ZNF521: variants seen among roughly 807,000 people sequenced by gnomAD.
The protein encoded by ZNF521 is LYST-interacting protein 3.
In ZNF521, 14 loss-of-function variants were observed where a neutral mutation model predicts 105.5. That is an observed-to-expected ratio of 0.13 (90% CI 0.09 to 0.21). The LOEUF (loss-of-function observed/expected upper bound fraction) is 0.21. ZNF521 is among the 10% of genes least tolerant of loss of function. The probability of loss-of-function intolerance (pLI) is 1.00; values close to 1 mark genes in which losing one functional copy is unlikely to be tolerated. For synonymous variants in ZNF521, 635 were observed against 606.0 expected, an observed-to-expected ratio of 1.05 and a Z score of -0.70; for missense variants, 1,233 against 1,629.7, an observed-to-expected ratio of 0.76 and a Z score of 4.19.
chr18:25,277,991 G>GT lies in ZNF521; in HGVS notation c.220+44016dup, dbSNP rs148179368. Among the ~76,000 whole-genome samples the GT allele has an allele frequency of 9.9e-3, 1,510 of 152,208 alleles. 25 individuals are homozygous for GT. Among genetic ancestry groups the GT allele is most frequent in the African/African-American group, 0.034 (1,406 of 41,526 alleles). ...ATCATATCCAAATTTTGTGACAATG[G>GT]TAAGTCTTCTTCAATCTGTGTGCAA... On this transcript the variant is annotated intron_variant, in intron 3 of 7. Transcript: ENST00000361524.
chr18:25,167,394 TAA>T (rs2035362959), intron 5 of ZNF521, among the ~76,000 whole-genome samples: 1 of 152,146 alleles, frequency 6.6e-6, no homozygotes, highest in Non-Finnish European at 1.5e-5. Context: ...ATTCTAAAGG[TAA>T]AATACTCCAA....
chr18:25,303,270 TC>T (rs1681218002), intron 3 of ZNF521, among the ~76,000 whole-genome samples: 1 of 124,864 alleles, frequency 8.0e-6, no homozygotes, highest in African/African-American at 3.2e-5. Flanking sequence ...TTTCTTTCTT[TC>T]GTGTGTGTGT....
chr18:25,298,490 C>T (rs967846663), intron 3 of ZNF521, among the ~76,000 whole-genome samples: 2 of 152,164 alleles, frequency 1.3e-5, no homozygotes, highest in African/African-American at 4.8e-5. Flanking sequence ...ACTATACATC[C>T]TTCCTTCTTC....
chr18:25,266,574 G>A (rs879639415), intron 3 of ZNF521, among the ~76,000 whole-genome samples: 1 of 152,172 alleles, frequency 6.6e-6, no homozygotes, highest in Admixed American at 6.5e-5. Flanking sequence ...GGGACTGCTT[G>A]GACAGTGGGT....
At chr18:25,283,931 C>CG (rs1046304085) in intron 3 of ZNF521, among the ~76,000 whole-genome samples, 13 of 142,696 alleles carry the variant, frequency 9.1e-5, no homozygotes, top group African/African-American at 2.5e-4. Context: ...TTCCCCCCCC[C>CG]CCAAAAAAAT....
chr18:25,306,975 G>A (rs897728240), intron 3 of ZNF521, among the ~76,000 whole-genome samples: 6 of 151,978 alleles, frequency 3.9e-5, no homozygotes, highest in African/African-American at 1.4e-4. Context: ...CAAGCAAAAA[G>A]GGAACCCACC....
chr18:25,121,183 C>T (rs1439726167), intron 5 of ZNF521, among the ~76,000 whole-genome samples: 2 of 145,230 alleles, frequency 1.4e-5, no homozygotes, highest in African/African-American at 5.1e-5. Context: ...GCCATCTCGG[C>T]TCACTGCAAA....
intron 2 of ZNF521, chr18:25,327,621 T>C (rs1011223092): frequency 1.9e-6 from 1 of 535,086 alleles, no homozygotes; most frequent in African/African-American, 1.9e-5. Flanking sequence ...GCCTTCCTGG[T>C]TTGCAAAAAC....
Position 25,176,762 on chromosome 18 carries a change from G to A in ZNF521, c.3658+18398C>T, listed in dbSNP as rs1051306764. Among the ~76,000 whole-genome samples, 22 of 152,318 alleles carry A rather than the reference G, an allele frequency of 1.4e-4. No homozygotes were observed. In the South Asian group the frequency reaches 1.9e-3, roughly 13 times the overall value. ...AGATTACACCAGCTTGCCCAAGTCG[G>A]CCGCCCCGGTGTTGCTTTCCTTACA... On this transcript the variant is annotated intron_variant, in intron 5 of 7. Transcript: ENST00000361524.
chr18:25,205,142 A>T (rs1038480405), intron 4 of ZNF521, among the ~76,000 whole-genome samples: 130 of 4,686 alleles, frequency 0.028, 2 homozygotes, highest in East Asian at 0.25. Context: ...TAGTGAAGGT[A>T]AAAAAAAAAA....
chr18:25,322,979 G>A (rs1005404620), intron 2 of ZNF521, among the ~76,000 whole-genome samples: 1 of 152,082 alleles, frequency 6.6e-6, no homozygotes, highest in Non-Finnish European at 1.5e-5. Context: ...GAGAGATGTG[G>A]GGGTGCGGGG....
intron 4 of ZNF521, among the ~76,000 whole-genome samples, chr18:25,200,134 T>C (rs1439692383): frequency 1.3e-5 from 2 of 152,156 alleles, no homozygotes; most frequent in African/African-American, 4.8e-5. Flanking sequence ...GTTTATATTC[T>C]GGTCATTTGC....
chr18:25,217,167 T>C (rs958895008), intron 4 of ZNF521, among the ~76,000 whole-genome samples: 17 of 152,258 alleles, frequency 1.1e-4, no homozygotes, highest in African/African-American at 4.1e-4. Flanking sequence ...TTTAAGTGAC[T>C]TCACTTAATT....
intron 3 of ZNF521, among the ~76,000 whole-genome samples, chr18:25,261,225 A>G (rs1286792571): frequency 2.0e-5 from 3 of 152,160 alleles, no homozygotes; most frequent in African/African-American, 7.2e-5. Context: ...GAGTTAATAC[A>G]TTTTAGACCT....
chr18:25,330,203 C>T (rs1240448935), intron 2 of ZNF521, among the ~76,000 whole-genome samples: 1 of 151,924 alleles, frequency 6.6e-6, no homozygotes, highest in South Asian at 2.1e-4. Context: ...CTCACTCTGT[C>T]GCCAGGCTGG....
intron 3 of ZNF521, among the ~76,000 whole-genome samples, chr18:25,321,754 TA>T (rs1190353925): frequency 1.3e-5 from 2 of 151,842 alleles, no homozygotes; most frequent in African/African-American, 2.4e-5. Flanking sequence ...TGGCATCATG[TA>T]AAAAAAAGCA....
chr18:25,062,784 A>C, intron 7 of ZNF521, 43 bp from the exon 8 acceptor site: 1 of 1,358,950 alleles, frequency 7.4e-7, no homozygotes, highest in Non-Finnish European at 9.7e-7. Flanking sequence ...AAAAAAAAAA[A>C]AGAGAAGAGA....
At chr18:25,096,371 A>G (rs950631285) in intron 5 of ZNF521, among the ~76,000 whole-genome samples, 9 of 152,178 alleles carry the variant, frequency 5.9e-5, no homozygotes, top group Admixed American at 4.6e-4. Flanking sequence ...TAAAACCTGG[A>G]CCTACATAAC....
At chr18:25,112,952 C>G (rs2034222480) in intron 5 of ZNF521, among the ~76,000 whole-genome samples, 1 of 151,884 alleles carries the variant, frequency 6.6e-6, no homozygotes, top group African/African-American at 2.4e-5. Context: ...CTATTAGCAG[C>G]CTTGACTGCT....
Sources: gnomAD v4.1 joint callset for allele counts (sites outside exome capture counted in the v4.1 genomes callset) on GRCh38, gnomAD v4.1.1 for gene constraint, MANE v1.5 for transcripts, NCBI Gene and HGNC (gene_info 2026-07-23, HGNC 2026-07-21) for gene names.